Variants in EDN1 observed in about 807,000 individuals in gnomAD.
The protein encoded by EDN1 is endothelin 1.
In EDN1, 11 loss-of-function variants were observed where a neutral mutation model predicts 21.7. That is an observed-to-expected ratio of 0.51 (90% CI 0.32 to 0.84). The LOEUF is 0.84. Ranked by LOEUF, EDN1 falls within the 40% of genes least tolerant of loss-of-function variation. EDN1 has a pLI of 0.03. For synonymous variants in EDN1, 85 were observed against 90.6 expected, an observed-to-expected ratio of 0.94 and a Z score of 0.35; for missense variants, 244 against 262.3, an observed-to-expected ratio of 0.93 and a Z score of 0.48.
the EDN1 span, among the ~76,000 whole-genome samples, chr6:12,260,719 A>AT: frequency 2.0e-5 from 3 of 151,524 alleles, no homozygotes; most frequent in Non-Finnish European, 4.4e-5. Context: ...GATTGCCTTT[A>AT]TTTTTTTATA....
At chr6:12,233,974 G>A in the EDN1 span, among the ~76,000 whole-genome samples, 2 of 152,190 alleles carry the variant, frequency 1.3e-5, no homozygotes, top group Non-Finnish European at 2.9e-5. Flanking sequence ...CTTCAGCTTT[G>A]CTGAGGCTCT....
chr6:12,262,599 C>CGGCA, the EDN1 span, among the ~76,000 whole-genome samples: 1 of 152,152 alleles, frequency 6.6e-6, no homozygotes, highest in Non-Finnish European at 1.5e-5. Context: ...AGGCCGGGTA[C>CGGCA]GGCAGCTCAT....
chr6:12,287,558 G>A (rs1464051446), upstream of EDN1, among the ~76,000 whole-genome samples: 4 of 152,040 alleles, frequency 2.6e-5, no homozygotes. Flanking sequence ...GAGGAAAAGG[G>A]AGCTGCTGCC....
the EDN1 span, among the ~76,000 whole-genome samples, chr6:12,263,732 C>G: frequency 6.6e-6 from 1 of 152,146 alleles, no homozygotes; most frequent in Non-Finnish European, 1.5e-5. Flanking sequence ...TGAGGCTCCT[C>G]ACATTTCTCT....
At chr6:12,231,333 T>A in the EDN1 span, among the ~76,000 whole-genome samples, 1 of 152,124 alleles carries the variant, frequency 6.6e-6, no homozygotes, top group Non-Finnish European at 1.5e-5. Flanking sequence ...AAAAGTCAAA[T>A]CCATGCTTAA....
chr6:12,286,220 A>G (rs1382142352), upstream of EDN1, among the ~76,000 whole-genome samples: 1 of 152,222 alleles, frequency 6.6e-6, no homozygotes, highest in African/African-American at 2.4e-5. Context: ...GCTATCTATG[A>G]TTATCCTATG....
chr6:12,256,880 T>TTAAGTAA, the EDN1 span, among the ~76,000 whole-genome samples: 1 of 152,242 alleles, frequency 6.6e-6, no homozygotes. Flanking sequence ...AAGCTGTGAC[T>TTAAGTAA]ATTTCAGGAG....
chr6:12,256,418 G>A, the EDN1 span, among the ~76,000 whole-genome samples: 1 of 151,844 alleles, frequency 6.6e-6, no homozygotes, highest in Non-Finnish European at 1.5e-5. Flanking sequence ...AGACCATTAG[G>A]CACCTGAACT....
chr6:12,291,657 A>C (rs559049962), intron 1 of EDN1, among the ~76,000 whole-genome samples: 9 of 152,272 alleles, frequency 5.9e-5, no homozygotes, highest in African/African-American at 2.2e-4. Context: ...ATGCCCAGGG[A>C]TTCGGAATTC....
chr6:12,273,952 G>A, the EDN1 span, among the ~76,000 whole-genome samples: 2 of 152,104 alleles, frequency 1.3e-5, no homozygotes, highest in Admixed American at 1.3e-4. Flanking sequence ...ATGGGCCTGG[G>A]GGTGCTAAAT....
At chr6:12,267,074 C>G in the EDN1 span, among the ~76,000 whole-genome samples, 12 of 152,146 alleles carry the variant, frequency 7.9e-5, no homozygotes, top group African/African-American at 2.9e-4. Flanking sequence ...AGGTATACCT[C>G]ATTTTATTGT....
chr6:12,291,437 T>TC (rs374584417), intron 1 of EDN1, among the ~76,000 whole-genome samples: 46 of 151,902 alleles, frequency 3.0e-4, no homozygotes, highest in African/African-American at 8.7e-4. Context: ...TCTGCCCGGG[T>TC]CCCCCCCGTT....
At chr6:12,239,919 A>G in the EDN1 span, among the ~76,000 whole-genome samples, 1 of 152,184 alleles carries the variant, frequency 6.6e-6, no homozygotes, top group Admixed American at 6.5e-5. Context: ...AAACAAAAAC[A>G]GAAAAGGAAA....
chr6:12,255,832 A>G, the EDN1 span, among the ~76,000 whole-genome samples: 1 of 152,232 alleles, frequency 6.6e-6, no homozygotes, highest in African/African-American at 2.4e-5. Flanking sequence ...ACTTAGTCTA[A>G]AACAAATATT....
At chr6:12,265,508 AG>A in the EDN1 span, among the ~76,000 whole-genome samples, 1 of 152,234 alleles carries the variant, frequency 6.6e-6, no homozygotes, top group Non-Finnish European at 1.5e-5. Context: ...GCATGCACAG[AG>A]GGTTGCCCCT....
At chr6:12,283,643 C>T in the EDN1 span, among the ~76,000 whole-genome samples, 1 of 152,176 alleles carries the variant, frequency 6.6e-6, no homozygotes, top group Non-Finnish European at 1.5e-5. Flanking sequence ...GGACTGGACA[C>T]TCATCCTTAG....
At chr6:12,254,208 T>C in the EDN1 span, among the ~76,000 whole-genome samples, 1 of 152,176 alleles carries the variant, frequency 6.6e-6, no homozygotes, top group African/African-American at 2.4e-5. Flanking sequence ...GCTTTTTATA[T>C]CCAGCCACGT....
At chr6:12,274,939 C>CTCCT in the EDN1 span, among the ~76,000 whole-genome samples, 10,602 of 135,322 alleles carry the variant, frequency 0.078, 446 homozygotes, top group Middle Eastern at 0.091. Context: ...TTTCTTCCTT[C>CTCCT]TCCTTCCTTC....
At chr6:12,279,420 G>C in the EDN1 span, among the ~76,000 whole-genome samples, 1 of 152,174 alleles carries the variant, frequency 6.6e-6, no homozygotes, top group Non-Finnish European at 1.5e-5. Flanking sequence ...GGTCTGTAGG[G>C]AAGATGAGCT....
Sources: allele counts gnomAD v4.1 joint callset (sites outside exome capture counted in the v4.1 genomes callset), GRCh38; gene constraint gnomAD v4.1.1; transcripts MANE v1.5; gene names NCBI Gene and HGNC (gene_info 2026-07-23, HGNC 2026-07-21).